ARNT2: variants seen among roughly 807,000 people sequenced by gnomAD.
ARNT2 encodes aryl hydrocarbon receptor nuclear translocator 2.
Under a neutral mutation model 91.7 loss-of-function variants are expected in ARNT2, and 36 were observed. The ratio of observed to expected loss-of-function variants is 0.39; its 90% confidence interval spans 0.30 to 0.52. ARNT2 has a LOEUF of 0.52. Among genes scored for constraint, ARNT2 ranks in the 20% least tolerant of loss-of-function variants. The pLI is 0.72. For synonymous variants in ARNT2, 365 were observed against 347.1 expected (o/e 1.05, Z -0.57); for missense variants, 775 against 939.3 (o/e 0.83, Z 2.29).
At chr15:80,446,272 T>A (rs190988237) in intron 1 of ARNT2, among the ~76,000 whole-genome samples, 2 of 152,308 alleles carry the variant, frequency 1.3e-5, no homozygotes, top group Admixed American at 1.3e-4. Flanking sequence ...GGAACATTTC[T>A]TCTACTAGAC....
chr15:80,470,159 A>G (rs1896712618), intron 3 of ARNT2, 59 bp from the exon 4 acceptor site: 1 of 1,476,560 alleles, frequency 6.8e-7, no homozygotes, highest in Non-Finnish European at 9.2e-7. Flanking sequence ...TTAGATAGTA[A>G]TCCCTAATCT....
intron 3 of ARNT2, among the ~76,000 whole-genome samples, chr15:80,464,782 C>T (rs763961726): frequency 6.6e-6 from 1 of 152,120 alleles, no homozygotes; most frequent in African/African-American, 2.4e-5. Flanking sequence ...TGCCTGGGAG[C>T]GACTGGCCAT....
intron 13 of ARNT2, 111 bp from the exon 14 acceptor site, chr15:80,574,876 G>C: frequency 1.5e-6 from 2 of 1,346,078 alleles, no homozygotes; most frequent in Non-Finnish European, 2.0e-6. Flanking sequence ...CAAAATGCCA[G>C]TGATTCCAGA....
intron 3 of ARNT2, 98 bp downstream of exon 3, chr15:80,458,074 C>A: frequency 5.4e-6 from 7 of 1,306,780 alleles, no homozygotes; most frequent in South Asian, 1.3e-5. Flanking sequence ...ATTGCAAAAG[C>A]CATTGCCTGC....
Position 80,501,827 on chromosome 15 carries a change from G to T in ARNT2, c.623-6329G>T, listed in dbSNP as rs74029842. Among the ~76,000 whole-genome samples the T allele has an allele frequency of 5.4e-3, 822 of 152,352 alleles. 5 individuals carry two copies. The highest frequency in any genetic ancestry group is 0.019 in the African/African-American group (799 of 41,574). The stretch of plus-strand genomic sequence containing the variant: ...CCAGTTGAAGAAACTGAGGATCCGA[G>T]AAATGAAGTGACCTGAACAAACTCT... On this transcript the variant is annotated intron_variant, in intron 5 of 18. Transcript: ENST00000303329.
chr15:80,544,057 T>A (rs1009055413), intron 8 of ARNT2, among the ~76,000 whole-genome samples: 3 of 152,200 alleles, frequency 2.0e-5, no homozygotes, highest in African/African-American at 7.2e-5. Flanking sequence ...AGTACATTTT[T>A]AAAATGTCAG....
intron 1 of ARNT2, among the ~76,000 whole-genome samples, chr15:80,408,146 A>G (rs1179141172): frequency 6.6e-6 from 1 of 152,180 alleles, no homozygotes; most frequent in Non-Finnish European, 1.5e-5. Context: ...TAGTGCAGGA[A>G]GATTCTCTGG....
intron 5 of ARNT2, among the ~76,000 whole-genome samples, chr15:80,491,452 C>G (rs1897054803): frequency 6.6e-6 from 1 of 152,158 alleles, no homozygotes. Flanking sequence ...TTACCTCCCA[C>G]CGGATCCCTT....
intron 5 of ARNT2, among the ~76,000 whole-genome samples, chr15:80,484,566 A>T (rs528253809): frequency 6.6e-6 from 1 of 152,250 alleles, no homozygotes; most frequent in African/African-American, 2.4e-5. Context: ...GCTTCGCTAC[A>T]TGCATAGCAT....
chr15:80,425,976 G>C (rs550894113), intron 1 of ARNT2, among the ~76,000 whole-genome samples: 1 of 151,970 alleles, frequency 6.6e-6, no homozygotes, highest in Non-Finnish European at 1.5e-5. Flanking sequence ...TAGAAGGATC[G>C]CTTGAGCTCA....
intron 3 of ARNT2, among the ~76,000 whole-genome samples, chr15:80,463,259 C>G (rs761837371): frequency 1.4e-4 from 21 of 152,138 alleles, no homozygotes; most frequent in South Asian, 2.1e-4. Context: ...GTGGGACACA[C>G]TGGATGGGTA....
At position 80,514,304 on chromosome 15, in the gene ARNT2, A is replaced by G. The variant is rs964924857; in HGVS notation, c.792-16A>G. The G allele has an allele frequency of 6.2e-7, 1 of 1,613,760 alleles. No individual in the cohort carries two copies. Among genetic ancestry groups the G allele is most frequent in the South Asian group, 1.1e-5 (1 of 91,066 alleles). ...CCTCATGTGATGAAAACAATTTCAC[A>G]AATGTTCTTTTTTAGGAATGGCCTT... On this transcript the variant is annotated splice_polypyrimidine_tract_variant and intron_variant, in intron 7 of 18. Transcript: ENST00000303329.
chr15:80,495,836 A>T (rs552333372), intron 5 of ARNT2, among the ~76,000 whole-genome samples: 6 of 151,982 alleles, frequency 3.9e-5, no homozygotes, highest in African/African-American at 1.5e-4. Context: ...TGAGCCCTTT[A>T]CTTGGGGCAT....
chr15:80,538,924 G>A (rs994659840), intron 8 of ARNT2, among the ~76,000 whole-genome samples: 6 of 152,002 alleles, frequency 3.9e-5, no homozygotes, highest in Non-Finnish European at 4.4e-5. Flanking sequence ...AACAAATAGT[G>A]TGCATAACTT....
At chr15:80,420,216 C>G (rs144152352) in intron 1 of ARNT2, among the ~76,000 whole-genome samples, 7 of 65,514 alleles carry the variant, frequency 1.1e-4, no homozygotes, top group South Asian at 4.6e-4. Flanking sequence ...CCCCAGCTTA[C>G]AAGGGTTTCA....
chr15:80,580,168 G>A (rs1898764392), intron 15 of ARNT2: 1 of 515,092 alleles, frequency 1.9e-6, no homozygotes, highest in East Asian at 3.4e-5. Flanking sequence ...AGAACGAGGA[G>A]AGGAAGTACC....
At position 80,591,200 on chromosome 15, in the gene ARNT2, C is replaced by T. The variant is rs1368246358; in HGVS notation, c.1919-368C>T. On this transcript the variant is annotated intron_variant, in intron 17 of 18. Transcript: ENST00000303329. This position sits in a 1 kb window ranked among gnomAD's most constrained non-coding sequence, Gnocchi z 5.1. ...TGAGGACAGACCCTCTCTCAGCCCACACTCTGCATGCAACAGATATGCCCC... is the reference window on the plus strand; with the variant it reads ...TGAGGACAGACCCTCTCTCAGCCCATACTCTGCATGCAACAGATATGCCCC... Among the ~76,000 whole-genome samples the T allele has an allele frequency of 6.6e-6, 1 of 152,216 alleles. No homozygotes were observed. Among genetic ancestry groups the T allele is most frequent in the East Asian group, 1.9e-4 (1 of 5,190 alleles).
At chr15:80,497,030 G>A (rs1897133352) in intron 5 of ARNT2, among the ~76,000 whole-genome samples, 1 of 152,202 alleles carries the variant, frequency 6.6e-6, no homozygotes, top group Admixed American at 6.5e-5. Context: ...CACAACGTTT[G>A]TAATCCAGGA....
chr15:80,471,816 C>A (rs540579586), intron 4 of ARNT2, among the ~76,000 whole-genome samples: 3 of 152,186 alleles, frequency 2.0e-5, no homozygotes, highest in African/African-American at 4.8e-5. Context: ...TGGTAGGACC[C>A]CAAAGCCATA....
Sources: allele counts gnomAD v4.1 joint callset (sites outside exome capture counted in the v4.1 genomes callset), GRCh38; gene constraint gnomAD v4.1.1; non-coding constraint Gnocchi (gnomAD v3.1); transcripts MANE v1.5; gene names NCBI Gene and HGNC (gene_info 2026-07-23, HGNC 2026-07-21).